The following DIO1 variants were observed in gnomAD, a reference collection of about 807,000 sequenced individuals.
DIO1 encodes the protein iodothyronine deiodinase 1, also known as type I iodothyronine deiodinase.
In DIO1, 17 loss-of-function variants were observed where a neutral mutation model predicts 25.9. The observed-to-expected ratio is 0.66, with a 90% CI of 0.45 to 0.98. DIO1 has a LOEUF of 0.98. Ranked by LOEUF, DIO1 falls within the 50% of genes least tolerant of loss-of-function variation. The probability of loss-of-function intolerance (pLI) is 0.00; values close to 1 mark genes in which losing one functional copy is unlikely to be tolerated. For missense variants in DIO1, 270 were observed against 310.4 expected (o/e 0.87, Z 0.98); for synonymous variants, 115 against 114.0 (o/e 1.01, Z -0.05).
At chr1:53,909,788 C>T in intron 3 of DIO1, 143 bp from the exon 4 acceptor site, 1 of 732,260 alleles carries the variant, frequency 1.4e-6, no homozygotes, top group Non-Finnish European at 2.4e-6. Flanking sequence ...CTCACGGTTG[C>T]ATCTGCCATT....
chr1:53,902,169 T>C (rs1651401523), intron 1 of DIO1, among the ~76,000 whole-genome samples: 1 of 151,676 alleles, frequency 6.6e-6, no homozygotes. Flanking sequence ...TAGAATCCCT[T>C]TCTCCCTTTT....
intron 1 of DIO1, 80 bp from the exon 2 acceptor site, chr1:53,904,586 T>C: frequency 6.5e-7 from 1 of 1,533,164 alleles, no homozygotes; most frequent in South Asian, 1.2e-5. Flanking sequence ...ATAACAGAAT[T>C]GAACATAGGA....
intron 1 of DIO1, among the ~76,000 whole-genome samples, chr1:53,896,857 A>G (rs1038331995): frequency 3.3e-5 from 5 of 152,220 alleles, no homozygotes; most frequent in African/African-American, 1.2e-4. Flanking sequence ...TAGCCTGACA[A>G]GGAAAAAGGG....
At chr1:53,909,569 A>G (rs1408429055) in intron 3 of DIO1, among the ~76,000 whole-genome samples, 3 of 152,200 alleles carry the variant, frequency 2.0e-5, no homozygotes, top group African/African-American at 7.2e-5. Context: ...AGAGGCAGAG[A>G]TGGTTCTGAG....
chr1:53,906,650 GTTTC>G lies in DIO1; in HGVS notation c.681+368_681+371del, dbSNP rs746818564. Among the ~76,000 whole-genome samples, 193 of 150,638 alleles carry G rather than the reference GTTTC, an allele frequency of 1.3e-3. 2 individuals carry two copies. The East Asian group carries it at 0.014, about 11-fold the overall frequency. ...GTTGTTTTTGTTCTCTGTTTTTTGG[GTTTC>G]TTTCTTTCTTTTTTTTTTTTGAGAC... On this transcript the variant is annotated intron_variant, in intron 3 of 3. Transcript: ENST00000361921.
At chr1:53,909,838 G>T in intron 3 of DIO1, 93 bp from the exon 4 acceptor site, 1 of 1,213,390 alleles carries the variant, frequency 8.2e-7, no homozygotes, top group South Asian at 1.2e-5. Context: ...GACATCATTT[G>T]ACCACCTCTT....
chr1:53,909,456 A>T (rs1488867388), intron 3 of DIO1, among the ~76,000 whole-genome samples: 1 of 152,032 alleles, frequency 6.6e-6, no homozygotes, highest in Non-Finnish European at 1.5e-5. Flanking sequence ...TGGTTGAAAA[A>T]TGGACAGGAG....
intron 1 of DIO1, among the ~76,000 whole-genome samples, chr1:53,904,001 G>A (rs12033572): frequency 2.7e-5 from 4 of 149,334 alleles, no homozygotes; most frequent in African/African-American, 5.2e-5. Flanking sequence ...AGCTGCCTTC[G>A]GTGCCTCCCT....
At chr1:53,899,082 G>GCA (rs375687521) in intron 1 of DIO1, among the ~76,000 whole-genome samples, 1 of 151,860 alleles carries the variant, frequency 6.6e-6, no homozygotes, top group Admixed American at 6.6e-5. Flanking sequence ...GTCCACACAC[G>GCA]CACACACACA....
chr1:53,905,483 T>C (rs1651609448), intron 2 of DIO1, among the ~76,000 whole-genome samples: 1 of 152,184 alleles, frequency 6.6e-6, no homozygotes. Context: ...CCTATATTTG[T>C]ATTTTTGAAA....
rs373303041 is a variant in DIO1, at chr1:53,894,588, C to T, written c.337+41C>T. On this transcript the variant is annotated intron_variant, in intron 1 of 3. Coordinates refer to ENST00000361921, the MANE Select transcript of DIO1 (RefSeq NM_000792.7). This position sits in a 1 kb window ranked among gnomAD's most constrained non-coding sequence, Gnocchi z 4.9. Reference sequence around the variant, plus strand: ...CACACTTGAGGGGTGCTTGAAATAGCAGTGGTAGAGGGGGATGAAGAGATG... The same window carrying T: ...CACACTTGAGGGGTGCTTGAAATAGTAGTGGTAGAGGGGGATGAAGAGATG... The T allele has an allele frequency of 6.4e-7, 1 of 1,552,562 alleles. No individual in the cohort carries two copies. The highest frequency in any genetic ancestry group is 8.8e-7 in the Non-Finnish European group (1 of 1,141,856).
chr1:53,907,914 A>AAAAT (rs1651740500), intron 3 of DIO1, among the ~76,000 whole-genome samples: 1 of 104,048 alleles, frequency 9.6e-6, no homozygotes, highest in Non-Finnish European at 1.9e-5. Flanking sequence ...TCTGTCTCGG[A>AAAAT]AAAAAAAAAA....
intron 3 of DIO1, among the ~76,000 whole-genome samples, chr1:53,908,911 G>A (rs1212870005): frequency 6.6e-6 from 1 of 152,094 alleles, no homozygotes; most frequent in Non-Finnish European, 1.5e-5. Context: ...GGCCAACATG[G>A]TGAAACCCTG....
At chr1:53,902,190 G>C (rs1226297564) in intron 1 of DIO1, among the ~76,000 whole-genome samples, 3 of 151,498 alleles carry the variant, frequency 2.0e-5, no homozygotes, top group Non-Finnish European at 4.4e-5. Context: ...CCCATGGCTG[G>C]TTCTCTCCTG....
chr1:53,901,182 C>A (rs1208586892), intron 1 of DIO1, among the ~76,000 whole-genome samples: 1 of 151,868 alleles, frequency 6.6e-6, no homozygotes. Context: ...TTATCCCTCA[C>A]TTTCATTTTC....
chr1:53,904,578 A>C, intron 1 of DIO1, 88 bp from the exon 2 acceptor site: 1 of 1,507,752 alleles, frequency 6.6e-7, no homozygotes. Flanking sequence ...AAATAAAAAT[A>C]ACAGAATTGA....
In DIO1 at chr1:53,903,614, C is replaced by T. The variant is rs551525308; in HGVS notation, c.338-1052C>T. On this transcript the variant is annotated intron_variant, in intron 1 of 3. Coordinates refer to ENST00000361921, the MANE Select transcript of DIO1 (RefSeq NM_000792.7). Reference sequence around the variant, plus strand: ...CTGTAATCGCAGCACTTTGGGAGGCCGAGGCCGGCGGATCACTTGAGGTCA... The same window carrying T: ...CTGTAATCGCAGCACTTTGGGAGGCTGAGGCCGGCGGATCACTTGAGGTCA... 4.1e-3 allele frequency among the ~76,000 whole-genome samples: 625 copies of T among 151,892 alleles called. 13 individuals are homozygous for T. The highest frequency in any genetic ancestry group is 0.011 in the African/African-American group (469 of 41,214).
rs191259443 is a variant in DIO1, at chr1:53,906,398, C to T, written c.681+104C>T. ...AAGCAGAACTGGATTCAAATCACCA[C>T]CCAGCCACTTACCAGCCATGTGACC... is the stretch of plus-strand genomic sequence containing the variant. On this transcript the variant is annotated intron_variant, in intron 3 of 3. Coordinates refer to ENST00000361921, the MANE Select transcript of DIO1 (RefSeq NM_000792.7). 397 of 994,972 alleles carry T rather than the reference C, an allele frequency of 4.0e-4. 3 individuals carry two copies. The East Asian group carries it at 8.9e-3, about 22-fold the overall frequency. 61.6% of individuals were successfully genotyped at this position (994,972 alleles called of 1,614,324 possible). A position where few individuals can be genotyped will look rare whatever the true frequency, so the allele number is the denominator to read the frequency against.
intron 3 of DIO1, among the ~76,000 whole-genome samples, chr1:53,908,555 G>C (rs915481067): frequency 2.3e-4 from 35 of 152,176 alleles, no homozygotes; most frequent in Non-Finnish European, 2.5e-4. Context: ...CTTCTCAGAG[G>C]GGGCAGCAAT....
Sources: gnomAD v4.1 joint callset for allele counts (sites outside exome capture counted in the v4.1 genomes callset) on GRCh38, gnomAD v4.1.1 for gene constraint, Gnocchi (gnomAD v3.1) non-coding constraint, MANE v1.5 for transcripts, NCBI Gene and HGNC (gene_info 2026-07-23, HGNC 2026-07-21) for gene names.